The following ASPHD1 variants were observed in gnomAD, a reference collection of about 807,000 sequenced individuals.
ASPHD1 encodes aspartate beta-hydroxylase domain containing 1.
In ASPHD1, 20 loss-of-function variants were observed where a neutral mutation model predicts 28.3. That is an observed-to-expected ratio of 0.71 (90% confidence interval 0.50 to 1.03). The LOEUF (loss-of-function observed/expected upper bound fraction) is 1.03. Ranked by LOEUF, ASPHD1 falls within the 50% of genes least tolerant of loss-of-function variation. The pLI, the probability that ASPHD1 is intolerant of heterozygous loss-of-function variation, is 0.00. For synonymous variants in ASPHD1, 240 were observed against 221.2 expected, an observed-to-expected ratio of 1.08 and a Z score of -0.75; for missense variants, 479 against 524.1, an observed-to-expected ratio of 0.91 and a Z score of 0.84.
chr16:29,908,365 T>C (rs1193673762), downstream of ASPHD1, among the ~76,000 whole-genome samples: 1 of 152,078 alleles, frequency 6.6e-6, no homozygotes, highest in Non-Finnish European at 1.5e-5. Context: ...TAGCAAACTG[T>C]TTTTTTAATT....
At chr16:29,903,520 T>C (rs1467968714) in intron 1 of ASPHD1, among the ~76,000 whole-genome samples, 1 of 151,944 alleles carries the variant, frequency 6.6e-6, no homozygotes, top group Non-Finnish European at 1.5e-5. Flanking sequence ...GAAAAGGAAA[T>C]AATTTTCTGT....
intron 3 of ASPHD1, chr16:29,913,362 G>C (rs1039735466): frequency 2.6e-5 from 4 of 152,122 alleles, no homozygotes; most frequent in Admixed American, 6.6e-5. Context: ...AAATACCTGA[G>C]AAACACAACA....
chr16:29,904,751 C>T, intron 1 of ASPHD1, 101 bp from the exon 2 acceptor site: 1 of 672,890 alleles, frequency 1.5e-6, no homozygotes, highest in South Asian at 2.0e-5. Context: ...GACCACAAAA[C>T]CTGGCATTTA....
intron 2 of ASPHD1, 138 bp downstream of exon 2, chr16:29,905,103 C>T (rs1235414439): frequency 2.1e-5 from 13 of 606,870 alleles, no homozygotes; most frequent in South Asian, 1.9e-4. Context: ...TTGAACAAGC[C>T]GCATAACTTC....
chr16:29,910,638 C>A (rs1210656057), downstream of ASPHD1, among the ~76,000 whole-genome samples: 1 of 152,124 alleles, frequency 6.6e-6, no homozygotes, highest in Admixed American at 6.5e-5. Flanking sequence ...GGGTTACAGG[C>A]GTAAGCCACT....
chr16:29,915,605 CAAAAAAAAAAAA>C (rs200326928), intron 3 of ASPHD1, among the ~76,000 whole-genome samples: 1 of 118,948 alleles, frequency 8.4e-6, no homozygotes, highest in Non-Finnish European at 1.8e-5. Flanking sequence ...TGAGCTATCT[CAAAAAAAAAAAA>C]AAGAAAAGAA....
chr16:29,910,044 G>A (rs116402273), downstream of ASPHD1, among the ~76,000 whole-genome samples: 536 of 149,986 alleles, frequency 3.6e-3, 7 homozygotes, highest in African/African-American at 0.011. Context: ...GGTTAAGTGA[G>A]CTGAGATCAC....
intron 3 of ASPHD1, chr16:29,911,385 C>G (rs2068706210): frequency 1.7e-6 from 1 of 578,696 alleles, no homozygotes; most frequent in Admixed American, 3.2e-5. Context: ...CACAGCACAG[C>G]AGCTCCAGTG....
Position 29,905,889 on chromosome 16 carries a change from G to C in ASPHD1, c.1165G>C (p.Asp389His), listed in dbSNP as rs1567437150. 6.2e-7 allele frequency: 1 copy of C among 1,607,622 alleles called. No individual in the cohort carries two copies. The change falls in exon 3 of 3, where the codon GAC becomes CAC. Residue 389 changes from aspartate to histidine, a missense_variant. Physicochemically the swap from Asp to His is moderately conservative, Grantham distance 81. Transcript: ENST00000308748. ...GGCCCTCGACTTTGTCTTCGCCCCAGACCCTTGAAGGAAGGTGCTCCCTTC... is the reference window on the plus strand; with the variant it reads ...GGCCCTCGACTTTGTCTTCGCCCCACACCCTTGAAGGAAGGTGCTCCCTTC... ...RQALDFVFAPDP is the reference protein window; with the variant it reads ...RQALDFVFAPHP
rs755185980 is a variant in ASPHD1 at position 29,902,888 on chromosome 16, TC to T, written c.949+969del. On this transcript the variant is annotated intron_variant, in intron 1 of 2. Transcript: ENST00000308748. ...GCACCAAACTGAGATTTTTTCTTTTTCTTTTTTTTTTTTTTTTGAGACAGGG... is the reference window on the plus strand; with the variant it reads ...GCACCAAACTGAGATTTTTTCTTTTTTTTTTTTTTTTTTTTTGAGACAGGG... Among the ~76,000 whole-genome samples the T allele has an allele frequency of 1.0e-3, 140 of 138,240 alleles. 15 individuals are homozygous for T. Among genetic ancestry groups the T allele is most frequent in the African/African-American group, 2.5e-3 (93 of 36,754 alleles). The allele number at this position is 138,240 out of a possible 152,430, so 90.7% of individuals were successfully genotyped here.
At position 29,919,201 on chromosome 16, in the gene ASPHD1, C is replaced by A. The variant is rs114038355; in HGVS notation, c.*63-330C>A. Among the ~76,000 whole-genome samples, 733 of 152,286 alleles carry A rather than the reference C, an allele frequency of 4.8e-3. 3 individuals are homozygous for A. The highest frequency in any genetic ancestry group is 0.017 in the African/African-American group (711 of 41,568). ...TAAACAACCAGGCAAAGTTGGAAAG[C>A]GGGTCATTGTGCAGGACAACTGGCA... On this transcript the variant is annotated intron_variant and NMD_transcript_variant, in intron 3 of 3. Coordinates refer to the ASPHD1 transcript ENST00000414952.
downstream of ASPHD1, chr16:29,906,586 A>C: frequency 1.7e-6 from 1 of 575,234 alleles, no homozygotes; most frequent in Non-Finnish European, 3.3e-6. Context: ...GAGAAAGGGA[A>C]TTCTAAATCC....
chr16:29,901,558 CT>C lies in ASPHD1; in HGVS notation c.589del (p.Ser197GlnfsTer31). 1 of 1,551,392 alleles carries C rather than the reference CT, an allele frequency of 6.4e-7. No individual in the cohort carries two copies. ...GGCCTGCTTTTCCTACCAGACCTGC[CT>C]TCAGCCCCCTTTGTGCCGCGGGACG... is the stretch of plus-strand genomic sequence containing the variant. ...RPGLLFLPDL[P>X]SAPFVPRDAQ... On this transcript the variant is annotated frameshift_variant, in exon 1 of 3. Transcript: ENST00000308748. LOFTEE classifies it high-confidence loss of function. This position sits in a 1 kb window ranked among gnomAD's most constrained non-coding sequence, Gnocchi z 5.1.
At chr16:29,906,656 G>C (rs1008019405), downstream of ASPHD1, 6 of 681,072 alleles carry the variant, frequency 8.8e-6, no homozygotes, top group Non-Finnish European at 1.6e-5. Context: ...TGTTGGCTTC[G>C]GAAGGCTCTG....
rs1310897365 is a variant in ASPHD1, at chr16:29,912,305, T to C, written c.*62+6346T>C. On this transcript the variant is annotated intron_variant and NMD_transcript_variant, in intron 3 of 3. Transcript: ENST00000414952. ...TGGCTGTGCCCCTGCCCGGGATGCT[T>C]CTTTGCTCAGCTGTCAGCGTGGCGT... 9.0e-6 allele frequency: 5 copies of C among 555,128 alleles called. No homozygotes were observed. In the African/African-American group the frequency reaches 9.7e-5, roughly 11 times the overall value. The allele number at this position is 555,128 out of a possible 1,614,324, so 34.4% of individuals were successfully genotyped here.
chr16:29,900,555 A>C lies in ASPHD1; in HGVS notation c.-417A>C. On this transcript the variant is annotated 5_prime_UTR_variant, in exon 1 of 3. Coordinates refer to ENST00000308748, the MANE Select transcript of ASPHD1 (RefSeq NM_181718.4). ...CTGAGCTGAGAGGGCTCCGGGAAGG[A>C]GTGACGTCAGGGTGAGTGGGAGCCC... 8 of 188,536 alleles carry C rather than the reference A, an allele frequency of 4.2e-5. No homozygotes were observed. Among genetic ancestry groups the C allele is most frequent in the East Asian group, 1.6e-4 (1 of 6,414 alleles). 11.7% of individuals were successfully genotyped at this position (188,536 alleles called of 1,614,324 possible). A position where few individuals can be genotyped will look rare whatever the true frequency, so the allele number is the denominator to read the frequency against.
chr16:29,900,713 G>C lies in ASPHD1; in HGVS notation c.-259G>C. ...GCTGCCGCGGAGGAAGACAGGCTGC[G>C]GGTTCCCGGGACTGCAGGTCCAGGC... On this transcript the variant is annotated 5_prime_UTR_variant, in exon 1 of 3. Transcript: ENST00000308748. 1.8e-6 allele frequency: 1 copy of C among 560,456 alleles called. No homozygotes were observed. Among genetic ancestry groups the C allele is most frequent in the Non-Finnish European group, 3.2e-6 (1 of 317,046 alleles). The allele number at this position is 560,456 out of a possible 1,614,324, so 34.7% of individuals were successfully genotyped here.
chr16:29,906,770 C>A, downstream of ASPHD1: 1 of 998,800 alleles, frequency 1.0e-6, no homozygotes, highest in Non-Finnish European at 1.5e-6. Context: ...GAGGAGGACC[C>A]ACGACTTGGC....
downstream of ASPHD1, among the ~76,000 whole-genome samples, chr16:29,908,605 C>T (rs543046710): frequency 3.3e-5 from 5 of 151,754 alleles, no homozygotes; most frequent in East Asian, 9.7e-4. Context: ...AGGCTGGTCT[C>T]GAACTCCTGA....
Sources: allele counts gnomAD v4.1 joint callset (sites outside exome capture counted in the v4.1 genomes callset), GRCh38; gene constraint gnomAD v4.1.1; non-coding constraint Gnocchi (gnomAD v3.1); transcripts MANE v1.5; gene names NCBI Gene and HGNC (gene_info 2026-07-23, HGNC 2026-07-21).